The following MAN2B2 variants were observed in gnomAD, a reference collection of about 807,000 sequenced individuals.
The protein encoded by MAN2B2 is epididymis-specific alpha-mannosidase.
A neutral mutation model predicts 117.1 loss-of-function variants in MAN2B2; 106 were observed. The observed-to-expected ratio is 0.90, with a 90% CI of 0.77 to 1.06. MAN2B2 has a LOEUF of 1.06. MAN2B2 is among the 50% of genes least tolerant of loss of function. The pLI is 0.00. For synonymous variants in MAN2B2, 544 were observed against 595.1 expected (o/e 0.91, Z 1.25); for missense variants, 1,326 against 1,381.4 (o/e 0.96, Z 0.64).
At chr4:6,581,419 C>A (rs757395823) in intron 3 of MAN2B2, among the ~76,000 whole-genome samples, 1 of 152,124 alleles carries the variant, frequency 6.6e-6, no homozygotes, top group East Asian at 1.9e-4. Flanking sequence ...ACAGAACTGG[C>A]GCTCAAGCCC....
intron 4 of MAN2B2, 32 bp from the exon 5 acceptor site, chr4:6,589,013 C>T (rs1288986439): frequency 7.1e-6 from 11 of 1,546,472 alleles, no homozygotes; most frequent in Non-Finnish European, 8.0e-6. Flanking sequence ...CCATGTGGCC[C>T]CTCCAGCCTC....
At chr4:6,614,678 A>G (rs372849794) in intron 16 of MAN2B2, among the ~76,000 whole-genome samples, 1 of 152,146 alleles carries the variant, frequency 6.6e-6, no homozygotes, top group African/African-American at 2.4e-5. Context: ...TGCCAGTCCT[A>G]CTTCTTCCAG....
intron 13 of MAN2B2, 75 bp from the exon 14 acceptor site, chr4:6,610,805 G>C: frequency 7.9e-7 from 1 of 1,261,492 alleles, no homozygotes; most frequent in Non-Finnish European, 1.2e-6. Flanking sequence ...CACCAGCTGG[G>C]GTGGCCAGAG....
At chr4:6,580,967 G>C (rs574291346) in intron 3 of MAN2B2, among the ~76,000 whole-genome samples, 5 of 152,344 alleles carry the variant, frequency 3.3e-5, no homozygotes, top group South Asian at 2.1e-4. Flanking sequence ...AGAGACAGCG[G>C]CTGTTGTGAG....
chr4:6,617,321 A>T, intron 16 of MAN2B2, 59 bp from the exon 17 acceptor site: 1 of 1,303,622 alleles, frequency 7.7e-7, no homozygotes, highest in Non-Finnish European at 1.1e-6. Context: ...GGTATAGACC[A>T]GGGACATTGG....
chr4:6,601,127 A>G (rs1727312497), intron 10 of MAN2B2, among the ~76,000 whole-genome samples: 1 of 152,094 alleles, frequency 6.6e-6, no homozygotes, highest in African/African-American at 2.4e-5. Flanking sequence ...CCCATGATAC[A>G]CACACACACA....
chr4:6,585,129 C>T (rs1165260943), intron 3 of MAN2B2, among the ~76,000 whole-genome samples: 1 of 152,120 alleles, frequency 6.6e-6, no homozygotes, highest in African/African-American at 2.4e-5. Context: ...CCACGCTCCC[C>T]CTGATCCCCT....
At chr4:6,618,155 TTTTTA>T (rs1421653672) in intron 17 of MAN2B2, 1 of 152,296 alleles carries the variant, frequency 6.6e-6, no homozygotes, top group African/African-American at 2.4e-5. Context: ...TGGCCTAGTT[TTTTTA>T]TTTTTAGTAG....
intron 8 of MAN2B2, 142 bp from the exon 9 acceptor site, chr4:6,598,056 C>A: frequency 2.3e-6 from 2 of 860,434 alleles, no homozygotes; most frequent in Non-Finnish European, 3.6e-6. Flanking sequence ...GTTCCTCCTT[C>A]TGTAAAATGG....
intron 4 of MAN2B2, among the ~76,000 whole-genome samples, chr4:6,587,716 G>GT (rs942475600): frequency 7.6e-6 from 1 of 131,470 alleles, no homozygotes; most frequent in African/African-American, 2.9e-5. Flanking sequence ...TTTGTTTTTT[G>GT]TTTTTTGGGT....
At chr4:6,594,796 C>T in intron 7 of MAN2B2, 64 bp downstream of exon 7, 7 of 1,488,120 alleles carry the variant, frequency 4.7e-6, no homozygotes, top group Non-Finnish European at 6.4e-6. Flanking sequence ...CACGTACCCT[C>T]TGCCCACTTC....
chr4:6,595,770 A>T (rs919113987), intron 7 of MAN2B2, among the ~76,000 whole-genome samples: 1 of 152,210 alleles, frequency 6.6e-6, no homozygotes, highest in African/African-American at 2.4e-5. Context: ...GAGATGCCAC[A>T]GATGAACTCC....
At chr4:6,619,011 A>T (rs561287210) in intron 17 of MAN2B2, 1 of 152,356 alleles carries the variant, frequency 6.6e-6, no homozygotes, top group African/African-American at 2.4e-5. Context: ...TGGTCATCTG[A>T]TGCTCCCCCG....
intron 5 of MAN2B2, among the ~76,000 whole-genome samples, chr4:6,589,402 A>C (rs542039023): frequency 3.9e-5 from 6 of 152,216 alleles, no homozygotes; most frequent in African/African-American, 1.4e-4. Context: ...CACCACACCC[A>C]GCTAATTTTT....
chr4:6,606,818 T>C (rs549445751), intron 11 of MAN2B2, among the ~76,000 whole-genome samples: 2 of 152,200 alleles, frequency 1.3e-5, no homozygotes, highest in Admixed American at 6.5e-5. Context: ...GGTTGCTCCA[T>C]AGGAAGGAGA....
intron 17 of MAN2B2, chr4:6,618,652 C>CGGGG (rs1712012088): frequency 6.6e-6 from 1 of 152,342 alleles, no homozygotes; most frequent in Non-Finnish European, 1.5e-5. Context: ...GGCCTGCCCA[C>CGGGG]GCTCCCTCCC....
In MAN2B2 at chr4:6,582,481, G is replaced by A. The variant is rs562154734; in HGVS notation, c.391+3983G>A. Among the ~76,000 whole-genome samples the A allele has an allele frequency of 1.2e-3, 179 of 152,142 alleles. 1 individual carries two copies. The highest frequency in any genetic ancestry group is 2.3e-3 in the Non-Finnish European group (154 of 67,996). On this transcript the variant is annotated intron_variant, in intron 3 of 18. Transcript: ENST00000285599. ...AGCATCCTGAGTAGCTGGGAGTACA[G>A]GCGTGCACCACCATGCCCAGCTAAT...
At position 6,611,165 on chromosome 4, in the gene MAN2B2, TC is replaced by T; in HGVS notation, c.2452del (p.His818ThrfsTer52). On this transcript the variant is annotated frameshift_variant, in exon 15 of 19. Transcript: ENST00000285599. LOFTEE classifies it high-confidence loss of function. ...YNLTLNDTSV[V>X]HPVLWLLLGS... ...CTCACGCTGAACGACACCTCAGTCGTCCACCCAGTGCTCTGGCTTCTGCTGG... is the reference window on the plus strand; with the variant it reads ...CTCACGCTGAACGACACCTCAGTCGTCACCCAGTGCTCTGGCTTCTGCTGG... 6.2e-7 allele frequency: 1 copy of T among 1,613,926 alleles called. No individual in the cohort carries two copies. Among genetic ancestry groups the T allele is most frequent in the Non-Finnish European group, 8.5e-7 (1 of 1,180,014 alleles).
chr4:6,604,110 C>G (rs1727438714), intron 10 of MAN2B2, among the ~76,000 whole-genome samples: 1 of 152,134 alleles, frequency 6.6e-6, no homozygotes, highest in African/African-American at 2.4e-5. Context: ...CAGCGTGGCA[C>G]AGGCTCAGAG....
Sources: allele counts gnomAD v4.1 joint callset (sites outside exome capture counted in the v4.1 genomes callset), GRCh38; gene constraint gnomAD v4.1.1; transcripts MANE v1.5; gene names NCBI Gene and HGNC (gene_info 2026-07-23, HGNC 2026-07-21).